The following JPT2 variants were observed in gnomAD, a reference collection of about 807,000 sequenced individuals.
The protein encoded by JPT2 is CRAMP_1 like.
Under a neutral mutation model 15.9 loss-of-function variants are expected in JPT2, and 9 were observed. The ratio of observed to expected loss-of-function variants is 0.57; its 90% CI spans 0.34 to 0.99. The LOEUF is 0.99. Ranked by LOEUF, JPT2 falls within the 50% of genes least tolerant of loss-of-function variation. The pLI is 0.02. For missense variants in JPT2, 267 were observed against 252.1 expected (o/e 1.06, Z -0.40); for synonymous variants, 95 against 91.7 (o/e 1.04, Z -0.21).
chr16:1,683,344 C>T (rs1007976105), intron 1 of JPT2, among the ~76,000 whole-genome samples: 1 of 152,122 alleles, frequency 6.6e-6, no homozygotes, highest in African/African-American at 2.4e-5. Context: ...CTCCTGGGCT[C>T]AAACAGTCCT....
chr16:1,690,294 T>A (rs1234532945), intron 2 of JPT2: 2 of 152,216 alleles, frequency 1.3e-5, no homozygotes, highest in East Asian at 3.9e-4. Flanking sequence ...CAGTGTGGAT[T>A]GTTAACACTA....
chr16:1,685,179 T>C (rs951446241), intron 1 of JPT2, among the ~76,000 whole-genome samples: 1 of 151,662 alleles, frequency 6.6e-6, no homozygotes, highest in Admixed American at 6.6e-5. Flanking sequence ...ATACAAAAAA[T>C]TAGCCAGCTG....
chr16:1,683,396 G>GA (rs1265447386), intron 1 of JPT2: 2 of 692,004 alleles, frequency 2.9e-6, no homozygotes, highest in Non-Finnish European at 4.9e-6. Flanking sequence ...CAGGTGCCAG[G>GA]TACTGCTCCC....
intron 1 of JPT2, among the ~76,000 whole-genome samples, chr16:1,680,763 T>C (rs558279726): frequency 1.1e-4 from 17 of 152,326 alleles, no homozygotes; most frequent in African/African-American, 3.6e-4. Flanking sequence ...CCTGAGGTCT[T>C]CCTTCAAGCT....
At chr16:1,684,630 C>T (rs1596505586) in intron 1 of JPT2, among the ~76,000 whole-genome samples, 3 of 151,998 alleles carry the variant, frequency 2.0e-5, no homozygotes, top group Admixed American at 6.6e-5. Flanking sequence ...ATCCTAGCTA[C>T]GTGGGAGGCT....
chr16:1,697,758 A>G (rs2037153029), intron 3 of JPT2, 54 bp from the exon 4 acceptor site: 1 of 1,549,436 alleles, frequency 6.5e-7, no homozygotes, highest in South Asian at 1.1e-5. Flanking sequence ...GTCCATTTGA[A>G]TGAGGGTAAA....
intron 2 of JPT2, among the ~76,000 whole-genome samples, chr16:1,687,523 C>CTCAGCAGAGTG (rs1009071676): frequency 2.0e-5 from 3 of 152,218 alleles, no homozygotes; most frequent in African/African-American, 7.2e-5. Flanking sequence ...TTGGCCCCTA[C>CTCAGCAGAGTG]TCAGCAGAGT....
Position 1,691,860 on chromosome 16 carries a change from A to G in JPT2, c.211A>G (p.Ile71Val). ...TTCTGCAGGGGGTAAAGGAAGTGGT[A>G]TCTTTGACGAATCAACCCCCGTGCA... ...TNPPGGKGSG[I>V]FDESTPVQTR... Residue 71 changes from isoleucine (I) to valine (V), a missense_variant, in exon 3 of 5, where the codon ATC becomes GTC. Coordinates refer to ENST00000248098, the MANE Select transcript of JPT2 (RefSeq NM_144570.3). 1.2e-6 allele frequency: 2 copies of G among 1,613,862 alleles called. No homozygotes were observed. The highest frequency in any genetic ancestry group is 1.1e-5 in the South Asian group (1 of 91,062).
Position 1,698,413 on chromosome 16 carries a change from G to C in JPT2, c.386-398G>C, listed in dbSNP as rs2037157652. Among the ~76,000 whole-genome samples the C allele has an allele frequency of 6.6e-6, 1 of 152,186 alleles. No homozygotes were observed. Among genetic ancestry groups the C allele is most frequent in the Non-Finnish European group, 1.5e-5 (1 of 68,038 alleles). ...CACCTTTGAAAAGCCCAGGGTAACA[G>C]CAACAGAGCCTGCCTTTGCCTTGCT... is the stretch of plus-strand genomic sequence containing the variant. On this transcript the variant is annotated intron_variant, in intron 4 of 4. Coordinates refer to ENST00000248098, the MANE Select transcript of JPT2 (RefSeq NM_144570.3). The surrounding 1 kb of genome is among the most constrained non-coding windows in gnomAD (Gnocchi z 4.9).
Position 1,699,141 on chromosome 16 carries a change from C to T in JPT2, c.*143C>T. On this transcript the variant is annotated 3_prime_UTR_variant, in exon 5 of 5. Transcript: ENST00000248098. ...TGGCTGCTCAGCGTCTCCTGGCCGT[C>T]ATGACAGCTGCTTGGAGACCCGTGC... The T allele has an allele frequency of 1.2e-6, 1 of 864,560 alleles. No homozygotes were observed. The highest frequency in any genetic ancestry group is 1.9e-6 in the Non-Finnish European group (1 of 530,020). The allele number at this position is 864,560 out of a possible 1,614,324, so 53.6% of individuals were successfully genotyped here.
At position 1,699,168 on chromosome 16, in the gene JPT2, T is replaced by G. The variant is rs554682122; in HGVS notation, c.*170T>G. On this transcript the variant is annotated 3_prime_UTR_variant, in exon 5 of 5. Transcript: ENST00000248098. ...TGACAGCTGCTTGGAGACCCGTGCC[T>G]TCCAGATGGCTGGGAGATGCCTCTG... 2.9e-3 allele frequency: 2,173 copies of G among 745,076 alleles called. 6 individuals carry two copies. The highest frequency in any genetic ancestry group is 3.4e-3 in the Non-Finnish European group (1,430 of 424,328). The allele number at this position is 745,076 out of a possible 1,614,324, so 46.2% of individuals were successfully genotyped here. A position where few individuals can be genotyped will look rare whatever the true frequency, so the allele number is the denominator to read the frequency against.
chr16:1,702,750 C>G (rs2037187419), downstream of JPT2, among the ~76,000 whole-genome samples: 1 of 152,220 alleles, frequency 6.6e-6, no homozygotes, highest in South Asian at 2.1e-4. Flanking sequence ...TAAAGATGCT[C>G]TCTCAAACTC....
rs1309332574 is a variant in JPT2, at chr16:1,691,993, C to A, written c.336+8C>A. 1.2e-6 allele frequency: 2 copies of A among 1,614,052 alleles called. No individual in the cohort carries two copies. Among genetic ancestry groups the A allele is most frequent in the Non-Finnish European group, 8.5e-7 (1 of 1,179,948 alleles). On this transcript the variant is annotated splice_region_variant and intron_variant, in intron 3 of 4. Transcript: ENST00000248098. ...CACCCAAACAAACCCAAGGTATGGA[C>A]TGCATTCAGACGTGACAGCGCAGCA... is the stretch of plus-strand genomic sequence containing the variant.
At chr16:1,680,556 T>C in intron 1 of JPT2, 1 of 1,126,930 alleles carries the variant, frequency 8.9e-7, no homozygotes, top group South Asian at 1.7e-5. Context: ...GCCACTCATC[T>C]GAACGGGGTC....
chr16:1,690,448 A>G (rs2037096800), intron 2 of JPT2: 1 of 152,226 alleles, frequency 6.6e-6, no homozygotes, highest in Non-Finnish European at 1.5e-5. Flanking sequence ...TCCCTACTTC[A>G]GAACACTGAC....
At chr16:1,702,113 T>C (rs1296742235), downstream of JPT2, 1 of 455,432 alleles carries the variant, frequency 2.2e-6, no homozygotes, top group Non-Finnish European at 4.4e-6. Flanking sequence ...ATATGTTTTC[T>C]AACATACTTA....
chr16:1,684,402 G>A (rs903761613), intron 1 of JPT2, among the ~76,000 whole-genome samples: 2 of 152,160 alleles, frequency 1.3e-5, no homozygotes, highest in African/African-American at 4.8e-5. Flanking sequence ...ATAGAGCTTT[G>A]TGGCAATTCC....
chr16:1,680,775 G>A lies in JPT2; in HGVS notation c.44+2419G>A, dbSNP rs1020319896. Among the ~76,000 whole-genome samples the A allele has an allele frequency of 4.6e-5, 7 of 152,272 alleles. 1 individual carries two copies. In the South Asian group the frequency reaches 1.5e-3, roughly 32 times the overall value. ...TAACCTGAGGTCTTCCTTCAAGCTG[G>A]AACATTTCTATTTGTAAGGAATTTA... On this transcript the variant is annotated intron_variant, in intron 1 of 4. Coordinates refer to ENST00000248098, the MANE Select transcript of JPT2 (RefSeq NM_144570.3).
At chr16:1,683,493 T>A in intron 1 of JPT2, 1 of 1,503,252 alleles carries the variant, frequency 6.7e-7, no homozygotes, top group Non-Finnish European at 8.9e-7. Context: ...TTTTTCTCCC[T>A]CCTCAAATCC....
Sources: gnomAD v4.1 joint callset for allele counts (sites outside exome capture counted in the v4.1 genomes callset) on GRCh38, gnomAD v4.1.1 for gene constraint, Gnocchi (gnomAD v3.1) non-coding constraint, MANE v1.5 for transcripts, NCBI Gene and HGNC (gene_info 2026-07-23, HGNC 2026-07-21) for gene names.